Variants in DISC1 observed in about 807,000 individuals in gnomAD.
DISC1 encodes the protein DISC1 scaffold protein.
A neutral mutation model predicts 84.5 loss-of-function variants in DISC1; 57 were observed. The ratio of observed to expected loss-of-function variants is 0.67; its 90% CI spans 0.55 to 0.84. DISC1 has a LOEUF of 0.84. DISC1 is among the 40% of genes least tolerant of loss of function. The pLI is 0.00. For synonymous variants in DISC1, 411 were observed against 415.2 expected (o/e 0.99, Z 0.12); for missense variants, 1,000 against 1,057.8 (o/e 0.95, Z 0.76).
intron 10 of DISC1, among the ~76,000 whole-genome samples, chr1:231,961,290 T>A (rs1660345071): frequency 6.6e-6 from 1 of 152,210 alleles, no homozygotes; most frequent in South Asian, 2.1e-4. Context: ...GTTTCTTCCT[T>A]CAGGTGTGGG....
chr1:232,038,059 C>T lies in DISC1; in HGVS notation c.*1228C>T, dbSNP rs1465570478. ...TAAGGCAGTATGGTACTCAGTAAAG[C>T]AATGCAATGCTCAGTAACACAGTGC... On this transcript the variant is annotated 3_prime_UTR_variant, in exon 13 of 13. Transcript: ENST00000439617. 1 of 151,768 alleles carries T rather than the reference C, an allele frequency of 6.6e-6. No homozygotes were observed. The highest frequency in any genetic ancestry group is 1.5e-5 in the Non-Finnish European group (1 of 68,116). The allele number at this position is 151,768 out of a possible 1,614,324, so 9.4% of individuals were successfully genotyped here.
At chr1:231,961,104 C>G (rs1390854826) in intron 10 of DISC1, among the ~76,000 whole-genome samples, 1 of 152,226 alleles carries the variant, frequency 6.6e-6, no homozygotes, top group Non-Finnish European at 1.5e-5. Context: ...TCTGGAAGCT[C>G]TCTGTACCCT....
chr1:231,850,440 A>G (rs981215328), intron 9 of DISC1, among the ~76,000 whole-genome samples: 1 of 152,276 alleles, frequency 6.6e-6, no homozygotes, highest in South Asian at 2.1e-4. Flanking sequence ...CTAGTAAACC[A>G]TGAATTTCTC....
intron 1 of DISC1, among the ~76,000 whole-genome samples, chr1:231,633,741 A>G (rs570813278): frequency 6.6e-6 from 1 of 152,230 alleles, no homozygotes; most frequent in African/African-American, 2.4e-5. Flanking sequence ...GTGGCCTTGC[A>G]TGGAGACTAA....
In DISC1 at chr1:231,795,312, T is replaced by G; in HGVS notation, c.1689+16T>G. 2.5e-6 allele frequency: 4 copies of G among 1,606,332 alleles called. No homozygotes were observed. Among genetic ancestry groups the G allele is most frequent in the Non-Finnish European group, 3.4e-6 (4 of 1,173,340 alleles). On this transcript the variant is annotated intron_variant, in intron 7 of 12. Transcript: ENST00000439617. Reference sequence around the variant, plus strand: ...CACTACTAAGGTAAGTACCTTTATATTCCCATTTTCCAAAGAAGCCTATGA... The same window carrying G: ...CACTACTAAGGTAAGTACCTTTATAGTCCCATTTTCCAAAGAAGCCTATGA...
chr1:231,724,762 T>G (rs1343302044), intron 3 of DISC1, among the ~76,000 whole-genome samples: 2 of 152,210 alleles, frequency 1.3e-5, no homozygotes. Context: ...CACTCAAATT[T>G]TGGCATTTGG....
intron 9 of DISC1, among the ~76,000 whole-genome samples, chr1:231,852,327 C>G (rs2083951453): frequency 6.6e-6 from 1 of 151,826 alleles, no homozygotes; most frequent in South Asian, 2.1e-4. Flanking sequence ...GCTTATTTAT[C>G]TCAGGTTTTA....
intron 1 of DISC1, among the ~76,000 whole-genome samples, chr1:231,644,744 T>G (rs2059989739): frequency 6.6e-6 from 1 of 152,120 alleles, no homozygotes; most frequent in Non-Finnish European, 1.5e-5. Flanking sequence ...TTCACTTCTG[T>G]CCTCTCCTTC....
chr1:231,684,595 C>T (rs545302128), intron 1 of DISC1, among the ~76,000 whole-genome samples: 1 of 152,074 alleles, frequency 6.6e-6, no homozygotes, highest in African/African-American at 2.4e-5. Flanking sequence ...ACGTCCTGTT[C>T]CCTGTTAAGA....
chr1:232,004,957 CTT>C (rs1667197935), intron 10 of DISC1, among the ~76,000 whole-genome samples: 1 of 134,356 alleles, frequency 7.4e-6, no homozygotes, highest in Non-Finnish European at 1.6e-5. Flanking sequence ...TCCTTCCTTC[CTT>C]CCTTCCTTCT....
At chr1:231,720,938 C>T (rs780540570) in intron 3 of DISC1, 4 of 1,290,934 alleles carry the variant, frequency 3.1e-6, no homozygotes, top group Non-Finnish European at 1.0e-6. Context: ...ATTTACTTTA[C>T]CTCTGCAGGA....
chr1:231,690,844 A>G (rs555629323), intron 1 of DISC1, among the ~76,000 whole-genome samples: 1 of 152,244 alleles, frequency 6.6e-6, no homozygotes, highest in Non-Finnish European at 1.5e-5. Context: ...AGTGTGTGAC[A>G]GTCTTTGCTA....
intron 11 of DISC1, among the ~76,000 whole-genome samples, chr1:232,011,595 A>G (rs1668021035): frequency 6.6e-6 from 1 of 152,166 alleles, no homozygotes; most frequent in Non-Finnish European, 1.5e-5. Flanking sequence ...GTTGCCAGGA[A>G]AGGGGAAGGG....
intron 4 of DISC1, among the ~76,000 whole-genome samples, chr1:231,757,395 C>A (rs1352196098): frequency 6.6e-6 from 1 of 152,186 alleles, no homozygotes; most frequent in Non-Finnish European, 1.5e-5. Flanking sequence ...CATCCAGATA[C>A]AATCAGATCC....
chr1:232,014,290 G>C (rs1187912726), intron 11 of DISC1, among the ~76,000 whole-genome samples: 1 of 152,152 alleles, frequency 6.6e-6, no homozygotes. Context: ...TCTCCAAGGA[G>C]CACATCCCTA....
At chr1:231,856,779 C>T (rs1261001312) in intron 9 of DISC1, among the ~76,000 whole-genome samples, 2 of 152,132 alleles carry the variant, frequency 1.3e-5, no homozygotes, top group South Asian at 2.1e-4. Context: ...ATTGGAATTA[C>T]CCCAAAGGTG....
At chr1:232,036,621 G>T (rs78019819) in intron 12 of DISC1, 71 bp from the exon 13 acceptor site, 2 of 1,383,100 alleles carry the variant, frequency 1.4e-6, no homozygotes, top group Non-Finnish European at 1.9e-6. Flanking sequence ...AGGCTCACAC[G>T]CTCTTCGATC....
Position 232,009,413 on chromosome 1 carries a change from T to G in DISC1, c.2307+364T>G. On this transcript the variant is annotated intron_variant, in intron 11 of 12. Coordinates refer to ENST00000439617, the MANE Select transcript of DISC1 (RefSeq NM_018662.3). This position sits in a 1 kb window ranked among gnomAD's most constrained non-coding sequence, Gnocchi z 4.6. Reference sequence around the variant, plus strand: ...GATTATATATGCCATACATGATATTTAACATATATACTATACATTATGTAT... The same window carrying G: ...GATTATATATGCCATACATGATATTGAACATATATACTATACATTATGTAT... 1.5e-6 allele frequency: 1 copy of G among 677,812 alleles called. No individual in the cohort carries two copies. The highest frequency in any genetic ancestry group is 1.8e-6 in the Non-Finnish European group (1 of 542,502). The allele number at this position is 677,812 out of a possible 1,614,324, so 42.0% of individuals were successfully genotyped here. A position where few individuals can be genotyped will look rare whatever the true frequency, so the allele number is the denominator to read the frequency against.
chr1:231,712,592 A>T (rs1451471260), intron 3 of DISC1, among the ~76,000 whole-genome samples: 1 of 152,220 alleles, frequency 6.6e-6, no homozygotes, highest in Non-Finnish European at 1.5e-5. Context: ...CTCTAGCAAG[A>T]CAGTTCTCTT....
Sources: allele counts gnomAD v4.1 joint callset (sites outside exome capture counted in the v4.1 genomes callset), GRCh38; gene constraint gnomAD v4.1.1; non-coding constraint Gnocchi (gnomAD v3.1); transcripts MANE v1.5; gene names NCBI Gene and HGNC (gene_info 2026-07-23, HGNC 2026-07-21).